Variants in DPP10 observed in about 807,000 individuals in gnomAD.
The protein encoded by DPP10 is inactive dipeptidyl peptidase 10.
In DPP10, 33 loss-of-function variants were observed where a neutral mutation model predicts 120.9. That is an observed-to-expected ratio of 0.27 (90% CI 0.21 to 0.37). DPP10 has a LOEUF of 0.37. DPP10 is among the 10% of genes least tolerant of loss of function. The pLI is 1.00. For missense variants in DPP10, 816 were observed against 942.8 expected, an observed-to-expected ratio of 0.87 and a Z score of 1.76; for synonymous variants, 337 against 326.1, an observed-to-expected ratio of 1.03 and a Z score of -0.36.
At chr2:115,647,661 C>T (rs1309153188) in intron 5 of DPP10, among the ~76,000 whole-genome samples, 2 of 152,052 alleles carry the variant, frequency 1.3e-5, no homozygotes, top group African/African-American at 4.8e-5. Context: ...ATTAATTTTT[C>T]ACAGTTCTGG....
At chr2:115,254,322 TATG>T (rs1469796877) in intron 1 of DPP10, among the ~76,000 whole-genome samples, 11 of 152,236 alleles carry the variant, frequency 7.2e-5, no homozygotes, top group African/African-American at 2.6e-4. Context: ...ACTCACTCAT[TATG>T]ATGAAAACAG....
chr2:115,066,600 C>T (rs1706861562), intron 1 of DPP10: 1 of 152,042 alleles, frequency 6.6e-6, no homozygotes, highest in African/African-American at 2.4e-5. Flanking sequence ...TAACATATGG[C>T]ACTAACCAAA....
At chr2:115,058,475 C>T (rs1211901699) in intron 1 of DPP10, among the ~76,000 whole-genome samples, 1 of 152,186 alleles carries the variant, frequency 6.6e-6, no homozygotes, top group Non-Finnish European at 1.5e-5. Flanking sequence ...TCTCGGTTCA[C>T]TGCAACCTCC....
chr2:114,545,562 T>TC (rs1687324485), intron 1 of DPP10, among the ~76,000 whole-genome samples: 2 of 152,246 alleles, frequency 1.3e-5, no homozygotes, highest in African/African-American at 4.8e-5. Flanking sequence ...GATGAGTACT[T>TC]CTCATGCAGG....
chr2:114,998,785 C>T (rs1223328083), intron 1 of DPP10, among the ~76,000 whole-genome samples: 1 of 152,160 alleles, frequency 6.6e-6, no homozygotes, highest in African/African-American at 2.4e-5. Flanking sequence ...AGGAAAACTG[C>T]ATGGGAAGGA....
At chr2:114,865,941 C>T (rs1690190196) in intron 1 of DPP10, among the ~76,000 whole-genome samples, 2 of 151,870 alleles carry the variant, frequency 1.3e-5, no homozygotes, top group Admixed American at 1.3e-4. Context: ...GGAGAAATCC[C>T]ATGTCTACTA....
chr2:114,786,415 G>A (rs112127536), intron 1 of DPP10, among the ~76,000 whole-genome samples: 13 of 152,268 alleles, frequency 8.5e-5, no homozygotes, highest in African/African-American at 2.9e-4. Context: ...AGTGATTTTC[G>A]AGAAGCGAGA....
In DPP10 at chr2:115,334,230, G is replaced by GTTTTTTTTTTTTTTTTTT; in HGVS notation, c.176-9571_176-9570insTTTTTTTTTTTTTTTTTT. Among the ~76,000 whole-genome samples, 170 of 56,370 alleles carry GTTTTTTTTTTTTTTTTTT rather than the reference G, an allele frequency of 3.0e-3. 38 individuals carry two copies. Among genetic ancestry groups the GTTTTTTTTTTTTTTTTTT allele is most frequent in the South Asian group, 6.0e-3 (8 of 1,336 alleles). The allele number at this position is 56,370 out of a possible 152,430, so 37.0% of individuals were successfully genotyped here. ...TCAGGAATGGACCAGAGCAGACTCT[G>GTTTTTTTTTTTTTTTTTT]TTTTTTTTTTTTTTTTAAGAAACCT... is the stretch of plus-strand genomic sequence containing the variant. On this transcript the variant is annotated intron_variant, in intron 2 of 25. Coordinates refer to ENST00000410059, the MANE Select transcript of DPP10 (RefSeq NM_020868.6).
intron 1 of DPP10, among the ~76,000 whole-genome samples, chr2:114,695,396 G>A (rs1242455138): frequency 7.9e-5 from 12 of 152,032 alleles, no homozygotes; most frequent in Non-Finnish European, 1.5e-4. Flanking sequence ...ACAGTGCTGA[G>A]TCCACAATAA....
intron 1 of DPP10, among the ~76,000 whole-genome samples, chr2:115,140,306 C>G (rs1279511175): frequency 2.6e-5 from 4 of 152,192 alleles, no homozygotes. Flanking sequence ...AAGGAAACAG[C>G]AGGAACAGCT....
At chr2:115,544,904 G>T (rs1024404878) in intron 5 of DPP10, among the ~76,000 whole-genome samples, 3 of 152,044 alleles carry the variant, frequency 2.0e-5, no homozygotes, top group African/African-American at 7.2e-5. Context: ...ATACAGAAAA[G>T]AGGCTGTTTA....
chr2:115,138,673 G>A (rs2050770057), intron 1 of DPP10, among the ~76,000 whole-genome samples: 1 of 151,944 alleles, frequency 6.6e-6, no homozygotes, highest in African/African-American at 2.4e-5. Flanking sequence ...TTATTAATAA[G>A]GACACAGGCA....
chr2:114,531,567 T>C (rs1361961586), intron 1 of DPP10, among the ~76,000 whole-genome samples: 1 of 148,192 alleles, frequency 6.7e-6, no homozygotes, highest in African/African-American at 2.5e-5. Context: ...TATGTATTCA[T>C]ATATATATTT....
intron 1 of DPP10, among the ~76,000 whole-genome samples, chr2:114,802,180 A>C (rs1041060813): frequency 2.0e-5 from 3 of 152,170 alleles, no homozygotes; most frequent in African/African-American, 7.2e-5. Context: ...CAATAGCTTA[A>C]ATACATAACC....
chr2:115,349,575 A>C (rs928257020), intron 3 of DPP10, among the ~76,000 whole-genome samples: 3 of 152,118 alleles, frequency 2.0e-5, no homozygotes, highest in African/African-American at 7.2e-5. Flanking sequence ...GACATTTGTT[A>C]ATAAATGCGC....
At chr2:115,566,279 C>A (rs575054710) in intron 5 of DPP10, among the ~76,000 whole-genome samples, 4 of 151,936 alleles carry the variant, frequency 2.6e-5, no homozygotes, top group Non-Finnish European at 2.9e-5. Context: ...ATCTTATATA[C>A]GTTTTTTCCT....
intron 1 of DPP10, among the ~76,000 whole-genome samples, chr2:115,213,985 A>G (rs1474755454): frequency 2.6e-5 from 4 of 152,202 alleles, no homozygotes; most frequent in Non-Finnish European, 5.9e-5. Context: ...TTTTTAACCC[A>G]TAAAATTAGA....
chr2:114,546,999 T>C (rs1013221429), intron 1 of DPP10, among the ~76,000 whole-genome samples: 2 of 152,146 alleles, frequency 1.3e-5, no homozygotes, highest in African/African-American at 4.8e-5. Flanking sequence ...CATGATTCTG[T>C]GGTAAAAGCA....
At position 115,139,703 on chromosome 2, in the gene DPP10, A is replaced by G. The variant is rs2050819469; in HGVS notation, c.61-169536A>G. On this transcript the variant is annotated intron_variant, in intron 1 of 25. Coordinates refer to ENST00000410059, the MANE Select transcript of DPP10 (RefSeq NM_020868.6). Reference sequence around the variant, plus strand: ...GTTGAATAGCCTGCAATTGGAAGGTAGATCTAAGAAGTAAAAATACTAAAA... The same window carrying G: ...GTTGAATAGCCTGCAATTGGAAGGTGGATCTAAGAAGTAAAAATACTAAAA... Among the ~76,000 whole-genome samples the G allele has an allele frequency of 2.3e-5, 3 of 131,246 alleles. No individual in the cohort carries two copies. In the South Asian group the frequency reaches 8.1e-4, roughly 35 times the overall value. The allele number at this position is 131,246 out of a possible 152,430, so 86.1% of individuals were successfully genotyped here.
Sources: allele counts gnomAD v4.1 joint callset (sites outside exome capture counted in the v4.1 genomes callset), GRCh38; gene constraint gnomAD v4.1.1; transcripts MANE v1.5; gene names NCBI Gene and HGNC (gene_info 2026-07-23, HGNC 2026-07-21).